The following GPC6 variants were observed in gnomAD, a reference collection of about 807,000 sequenced individuals.
The protein encoded by GPC6 is glypican-6.
Under a neutral mutation model 55.2 loss-of-function variants are expected in GPC6, and 14 were observed. That is an observed-to-expected ratio of 0.25 (90% CI 0.17 to 0.40). The LOEUF (loss-of-function observed/expected upper bound fraction) is 0.40, where lower values mean the gene tolerates loss of function less well. Among genes scored for constraint, GPC6 ranks in the 10% least tolerant of loss-of-function variants. The probability of loss-of-function intolerance (pLI) is 1.00; values close to 1 mark genes in which losing one functional copy is unlikely to be tolerated. For missense variants in GPC6, 641 were observed against 708.5 expected (o/e 0.90, Z 1.08); for synonymous variants, 278 against 259.6 (o/e 1.07, Z -0.68).
intron 1 of GPC6, among the ~76,000 whole-genome samples, chr13:93,357,310 T>C (rs1303086062): frequency 1.3e-5 from 2 of 152,240 alleles, no homozygotes; most frequent in East Asian, 1.9e-4. Flanking sequence ...AATTTTGTAA[T>C]TGTTTAAATG....
chr13:93,771,966 T>G lies in GPC6; in HGVS notation c.320-58188T>G, dbSNP rs113239201. 7.2e-3 allele frequency among the ~76,000 whole-genome samples: 1,099 copies of G among 152,290 alleles called. 15 individuals carry two copies. The highest frequency in any genetic ancestry group is 0.025 in the African/African-American group (1,030 of 41,558). On this transcript the variant is annotated intron_variant, in intron 2 of 8. Coordinates refer to ENST00000377047, the MANE Select transcript of GPC6 (RefSeq NM_005708.5). Reference sequence around the variant, plus strand: ...ACTGTGGTGGGAGTGTATATCCAGGTTGCCAAAACCACAGTTCTGCTTGGT... The same window carrying G: ...ACTGTGGTGGGAGTGTATATCCAGGGTGCCAAAACCACAGTTCTGCTTGGT...
At chr13:94,202,728 G>T (rs1356367083) in intron 4 of GPC6, among the ~76,000 whole-genome samples, 8 of 152,156 alleles carry the variant, frequency 5.3e-5, no homozygotes, top group African/African-American at 1.9e-4. Context: ...GTCAGTAACT[G>T]GGGAAGTGGG....
Position 93,227,779 on chromosome 13 carries a change from C to A in GPC6, c.160+163C>A, listed in dbSNP as rs867177054. Among the ~76,000 whole-genome samples the A allele has an allele frequency of 4.2e-4, 64 of 152,284 alleles. No homozygotes were observed. Among genetic ancestry groups the A allele is most frequent in the African/African-American group, 1.4e-3 (59 of 41,586 alleles). ...CCGTGTTGGGCGGCGGATGCTCCTG[C>A]GGCTTCTTCGGCGGGGGAAGGTGTG... On this transcript the variant is annotated intron_variant, in intron 1 of 8. Coordinates refer to ENST00000377047, the MANE Select transcript of GPC6 (RefSeq NM_005708.5). The surrounding 1 kb of genome is among the most constrained non-coding windows in gnomAD (Gnocchi z 4.3).
chr13:93,672,338 T>G (rs1881395386), intron 2 of GPC6, among the ~76,000 whole-genome samples: 1 of 151,926 alleles, frequency 6.6e-6, no homozygotes, highest in Non-Finnish European at 1.5e-5. Context: ...CTGTGGTGGC[T>G]TTTTCATGAG....
chr13:93,803,691 A>G (rs955060132), intron 2 of GPC6, among the ~76,000 whole-genome samples: 3 of 152,344 alleles, frequency 2.0e-5, no homozygotes, highest in African/African-American at 7.2e-5. Context: ...CAGAATATCA[A>G]TTAACTGGTG....
chr13:94,207,091 C>A (rs1362827663), intron 4 of GPC6, among the ~76,000 whole-genome samples: 1 of 152,076 alleles, frequency 6.6e-6, no homozygotes, highest in Non-Finnish European at 1.5e-5. Context: ...TGAACTTACC[C>A]TATCTTGTCC....
At chr13:93,712,228 T>C (rs1482127425) in intron 2 of GPC6, among the ~76,000 whole-genome samples, 1 of 151,718 alleles carries the variant, frequency 6.6e-6, no homozygotes, top group Non-Finnish European at 1.5e-5. Context: ...AAGTTGACAC[T>C]AAAAAATATA....
At chr13:94,120,087 A>T (rs1221409269) in intron 4 of GPC6, among the ~76,000 whole-genome samples, 1 of 152,110 alleles carries the variant, frequency 6.6e-6, no homozygotes, top group Non-Finnish European at 1.5e-5. Context: ...ATGTAATTTA[A>T]TTTTTAAGAA....
chr13:93,323,368 G>C (rs955210745), intron 1 of GPC6, among the ~76,000 whole-genome samples: 6 of 152,154 alleles, frequency 3.9e-5, no homozygotes, highest in African/African-American at 1.4e-4. Flanking sequence ...TCAGTTTTCA[G>C]CACTTATCCT....
At chr13:94,103,699 T>A (rs1481340033) in intron 4 of GPC6, among the ~76,000 whole-genome samples, 1 of 152,246 alleles carries the variant, frequency 6.6e-6, no homozygotes, top group Non-Finnish European at 1.5e-5. Context: ...GAGAAGTGTC[T>A]GTTCATATCC....
intron 3 of GPC6, among the ~76,000 whole-genome samples, chr13:93,975,640 A>G (rs1377426113): frequency 6.6e-6 from 1 of 152,148 alleles, no homozygotes; most frequent in African/African-American, 2.4e-5. Flanking sequence ...TGTTGACCCA[A>G]TGCGGTTTTT....
chr13:93,928,639 A>G (rs992607996), intron 3 of GPC6, among the ~76,000 whole-genome samples: 5 of 152,108 alleles, frequency 3.3e-5, no homozygotes, highest in African/African-American at 9.7e-5. Context: ...AAAACAGTGC[A>G]TTTTCATCTT....
At chr13:94,327,879 G>C (rs1246768785) in intron 6 of GPC6, among the ~76,000 whole-genome samples, 1 of 152,162 alleles carries the variant, frequency 6.6e-6, no homozygotes, top group Non-Finnish European at 1.5e-5. Flanking sequence ...GAGTTTAGCT[G>C]AGAGATTTTC....
intron 1 of GPC6, among the ~76,000 whole-genome samples, chr13:93,339,399 A>G (rs1232547736): frequency 1.3e-5 from 2 of 149,158 alleles, no homozygotes. Context: ...AAAAAGCACC[A>G]CGTATACTTG....
chr13:93,459,518 G>A (rs1878601899), intron 1 of GPC6, among the ~76,000 whole-genome samples: 1 of 151,918 alleles, frequency 6.6e-6, no homozygotes, highest in Admixed American at 6.6e-5. Flanking sequence ...TGAAAACAAC[G>A]GACTTTAACA....
intron 6 of GPC6, among the ~76,000 whole-genome samples, chr13:94,358,306 A>T (rs1474809285): frequency 6.6e-6 from 1 of 151,780 alleles, no homozygotes; most frequent in Non-Finnish European, 1.5e-5. Context: ...AAAAAAGAAA[A>T]AGGAAAAAAA....
At chr13:93,460,119 A>G (rs1205439562) in intron 1 of GPC6, among the ~76,000 whole-genome samples, 1 of 152,174 alleles carries the variant, frequency 6.6e-6, no homozygotes, top group Admixed American at 6.5e-5. Context: ...GCTTCCATAC[A>G]AAATTCTGTC....
chr13:94,222,485 G>GTT (rs1158023537), intron 4 of GPC6, among the ~76,000 whole-genome samples: 1 of 152,030 alleles, frequency 6.6e-6, no homozygotes, highest in African/African-American at 2.4e-5. Context: ...ATCAGTTCTA[G>GTT]TTTTCTGACA....
chr13:93,897,635 C>T (rs998174816), intron 3 of GPC6, among the ~76,000 whole-genome samples: 2 of 152,056 alleles, frequency 1.3e-5, no homozygotes, highest in African/African-American at 4.8e-5. Context: ...CCATGTGCCC[C>T]AGATATATGA....
Sources: allele counts gnomAD v4.1 joint callset (sites outside exome capture counted in the v4.1 genomes callset), GRCh38; gene constraint gnomAD v4.1.1; non-coding constraint Gnocchi (gnomAD v3.1); transcripts MANE v1.5; gene names NCBI Gene and HGNC (gene_info 2026-07-23, HGNC 2026-07-21).